RNF169: variants seen among roughly 807,000 people sequenced by gnomAD.
RNF169 encodes ring finger protein 169, also known as E3 ubiquitin-protein ligase RNF169.
In RNF169, 24 loss-of-function variants were observed where a neutral mutation model predicts 53.9. The observed-to-expected ratio is 0.45, with a 90% CI of 0.32 to 0.63. The LOEUF is 0.63. Ranked by LOEUF, RNF169 falls within the 20% of genes least tolerant of loss-of-function variation. The pLI is 0.04. For missense variants in RNF169, 883 were observed against 906.2 expected (o/e 0.97, Z 0.33); for synonymous variants, 396 against 363.5 (o/e 1.09, Z -1.02).
intron 1 of RNF169, among the ~76,000 whole-genome samples, chr11:74,754,393 C>T (rs181121662): frequency 7.9e-5 from 12 of 152,166 alleles, no homozygotes; most frequent in Admixed American, 4.6e-4. Flanking sequence ...AAACCGAGAC[C>T]TTTTTACTTT....
intron 1 of RNF169, among the ~76,000 whole-genome samples, chr11:74,785,245 TATATGTTAG>T (rs1485978773): frequency 1.1e-4 from 9 of 84,708 alleles, no homozygotes; most frequent in African/African-American, 4.0e-4. Flanking sequence ...ATATATGTTA[TATATGTTAG>T]ATATATATGT....
intron 1 of RNF169, among the ~76,000 whole-genome samples, chr11:74,788,262 T>G (rs779962134): frequency 1.3e-5 from 2 of 151,858 alleles, no homozygotes; most frequent in Admixed American, 6.6e-5. Flanking sequence ...TTAAGAGATA[T>G]GTATTCTATT....
Position 74,836,689 on chromosome 11 carries a change from C to G in RNF169, c.2086C>G (p.Gln696Glu). 1 of 1,612,978 alleles carries G rather than the reference C, an allele frequency of 6.2e-7. No homozygotes were observed. ...TVSRRKGSVD[Q>E]YLLRSSNMAG... ...GAGCCGGCGAAAAGGAAGTGTGGAT[C>G]AGTATCTCCTACGGTCCAGCAACAT... The change falls in exon 6 of 6, where the codon CAG (glutamine) becomes GAG (glutamate). Residue 696 changes from glutamine (Q) to glutamate (E), a missense_variant. Gln to Glu is a conservative substitution (Grantham distance 29). Coordinates refer to ENST00000299563, the MANE Select transcript of RNF169 (RefSeq NM_001098638.2).
chr11:74,824,494 A>C (rs1463972176), intron 4 of RNF169, among the ~76,000 whole-genome samples: 1 of 152,232 alleles, frequency 6.6e-6, no homozygotes, highest in Non-Finnish European at 1.5e-5. Context: ...TGAAAGACAT[A>C]AGTCTACACA....
intron 4 of RNF169, among the ~76,000 whole-genome samples, chr11:74,832,953 G>C (rs941182201): frequency 2.5e-4 from 38 of 152,126 alleles, no homozygotes; most frequent in Middle Eastern, 3.4e-3. Context: ...GCTTTTATAG[G>C]GGGATGTTGA....
intron 1 of RNF169, among the ~76,000 whole-genome samples, chr11:74,774,076 A>G (rs7114920): frequency 0.021 from 3,272 of 152,280 alleles, 116 homozygotes; most frequent in African/African-American, 0.075. Flanking sequence ...GCAGTCGCTC[A>G]TGCCTGTAAT....
At chr11:74,763,007 T>G (rs1251228104) in intron 1 of RNF169, among the ~76,000 whole-genome samples, 2 of 152,040 alleles carry the variant, frequency 1.3e-5, no homozygotes, top group Non-Finnish European at 2.9e-5. Context: ...GCACTCTAGG[T>G]GAAAGGGTGG....
intron 1 of RNF169, among the ~76,000 whole-genome samples, chr11:74,775,578 T>C (rs1331997398): frequency 6.6e-6 from 1 of 152,134 alleles, no homozygotes; most frequent in Admixed American, 6.5e-5. Context: ...TCAGAGTTCT[T>C]GGAATATCGT....
chr11:74,799,075 G>A (rs1403898137), intron 2 of RNF169, among the ~76,000 whole-genome samples: 6 of 59,250 alleles, frequency 1.0e-4, no homozygotes, highest in African/African-American at 4.1e-4. Context: ...AAAAAAAAAA[G>A]ATTTCCAGTG....
At position 74,767,640 on chromosome 11, in the gene RNF169, G is replaced by A. The variant is rs571306695; in HGVS notation, c.502+18258G>A. Among the ~76,000 whole-genome samples, 65 of 152,166 alleles carry A rather than the reference G, an allele frequency of 4.3e-4. No individual in the cohort carries two copies. The South Asian group carries it at 0.013, about 32-fold the overall frequency. ...GCTGGAGTGCAGTGGCGCGATCTTG[G>A]CTCACTGCAACCTCCGCCTCCTGGG... is the stretch of plus-strand genomic sequence containing the variant. On this transcript the variant is annotated intron_variant, in intron 1 of 5. Transcript: ENST00000299563.
intron 2 of RNF169, among the ~76,000 whole-genome samples, chr11:74,800,864 T>G (rs1379739078): frequency 6.6e-6 from 1 of 152,210 alleles, no homozygotes; most frequent in Non-Finnish European, 1.5e-5. Flanking sequence ...CATTCAGCCT[T>G]TCAGCTTGGC....
intron 1 of RNF169, among the ~76,000 whole-genome samples, chr11:74,783,792 A>G (rs2035450981): frequency 6.6e-6 from 1 of 152,214 alleles, no homozygotes; most frequent in South Asian, 2.1e-4. Context: ...CCAGGAAGGA[A>G]AGGGAAGTAA....
chr11:74,782,338 G>C (rs145196749), intron 1 of RNF169, among the ~76,000 whole-genome samples: 1 of 152,116 alleles, frequency 6.6e-6, no homozygotes, highest in Non-Finnish European at 1.5e-5. Context: ...CCTGGGCTGC[G>C]GACTGGTACC....
chr11:74,749,530 A>G (rs1240625931), intron 1 of RNF169, 148 bp downstream of exon 1: 6 of 683,332 alleles, frequency 8.8e-6, no homozygotes, highest in Non-Finnish European at 1.2e-5. Flanking sequence ...ACCCAGGTGC[A>G]GTGTGTTTGT....
intron 2 of RNF169, among the ~76,000 whole-genome samples, chr11:74,801,593 C>T (rs2135103664): frequency 6.6e-6 from 1 of 152,212 alleles, no homozygotes; most frequent in East Asian, 1.9e-4. Context: ...ATTTTGATAG[C>T]TCTATTAAAG....
At chr11:74,807,164 A>G (rs963426407) in intron 2 of RNF169, among the ~76,000 whole-genome samples, 2 of 152,100 alleles carry the variant, frequency 1.3e-5, no homozygotes, top group Admixed American at 1.3e-4. Flanking sequence ...TTTTAGCTCT[A>G]TGGCTTTTCT....
chr11:74,767,749 T>C (rs1591392624), intron 1 of RNF169, among the ~76,000 whole-genome samples: 1 of 152,092 alleles, frequency 6.6e-6, no homozygotes, highest in East Asian at 1.9e-4. Context: ...TTTTGTATTT[T>C]TTTTTTTTTA....
At chr11:74,806,265 G>C (rs183570922) in intron 2 of RNF169, among the ~76,000 whole-genome samples, 77 of 152,274 alleles carry the variant, frequency 5.1e-4, no homozygotes, top group African/African-American at 1.8e-3. Flanking sequence ...TTAGTCATTA[G>C]AGAAATACAA....
rs1457087043 is a variant in RNF169, at chr11:74,837,613, C to G, written c.*883C>G. 6.6e-6 allele frequency: 1 copy of G among 152,230 alleles called. No homozygotes were observed. The highest frequency in any genetic ancestry group is 1.5e-5 in the Non-Finnish European group (1 of 68,048). The allele number at this position is 152,230 out of a possible 1,614,324, so 9.4% of individuals were successfully genotyped here. ...TATCCCCATCCCCCACAGTTTAGAG[C>G]CTTCTGCTTTTCTGGGGGTTTCAGC... On this transcript the variant is annotated 3_prime_UTR_variant, in exon 6 of 6. Coordinates refer to ENST00000299563, the MANE Select transcript of RNF169 (RefSeq NM_001098638.2).
Sources: gnomAD v4.1 joint callset for allele counts (sites outside exome capture counted in the v4.1 genomes callset) on GRCh38, gnomAD v4.1.1 for gene constraint, MANE v1.5 for transcripts, NCBI Gene and HGNC (gene_info 2026-07-23, HGNC 2026-07-21) for gene names.